The following DPP6 variants were observed in gnomAD, a reference collection of about 807,000 sequenced individuals.
DPP6 encodes the protein dipeptidyl peptidase like 6.
Under a neutral mutation model 122.6 loss-of-function variants are expected in DPP6, and 69 were observed. The observed-to-expected ratio is 0.56, with a 90% CI of 0.46 to 0.69. The LOEUF is 0.69. Ranked by LOEUF, DPP6 falls within the 30% of genes least tolerant of loss-of-function variation. The pLI, the probability that DPP6 is intolerant of heterozygous loss-of-function variation, is 0.00. For synonymous variants in DPP6, 418 were observed against 433.1 expected, an observed-to-expected ratio of 0.97 and a Z score of 0.43; for missense variants, 928 against 1,116.9, an observed-to-expected ratio of 0.83 and a Z score of 2.41.
chr7:154,398,001 T>TA (rs1815237430), intron 1 of DPP6, among the ~76,000 whole-genome samples: 1 of 152,216 alleles, frequency 6.6e-6, no homozygotes, highest in South Asian at 2.1e-4. Flanking sequence ...AATACATTTC[T>TA]AGATTTTTAC....
At chr7:153,955,577 T>C (rs1802420663) in intron 1 of DPP6, among the ~76,000 whole-genome samples, 1 of 152,116 alleles carries the variant, frequency 6.6e-6, no homozygotes, top group African/African-American at 2.4e-5. Flanking sequence ...TAGCTGGGAT[T>C]ACAGGCACCC....
intron 1 of DPP6, chr7:154,305,584 G>T (rs1421638623): frequency 6.4e-7 from 1 of 1,574,512 alleles, no homozygotes. Context: ...GTGTGTGTGT[G>T]TGTGCGTGCG....
At chr7:154,441,460 C>A (rs1819365915) in intron 1 of DPP6, among the ~76,000 whole-genome samples, 2 of 152,130 alleles carry the variant, frequency 1.3e-5, no homozygotes, top group South Asian at 4.1e-4. Flanking sequence ...CAATCAGTTC[C>A]TTTTGTGTCC....
intron 7 of DPP6, among the ~76,000 whole-genome samples, chr7:154,690,512 CTG>C (rs1839872804): frequency 6.6e-6 from 1 of 152,138 alleles, no homozygotes; most frequent in South Asian, 2.1e-4. Context: ...GCCCATGAGA[CTG>C]TAGGACTTCA....
chr7:154,840,436 C>T (rs1277148283), intron 16 of DPP6, among the ~76,000 whole-genome samples: 1 of 152,192 alleles, frequency 6.6e-6, no homozygotes. Context: ...GTGACCTGTC[C>T]CGTGTCCAGG....
At chr7:154,332,974 C>T (rs1047621139) in intron 1 of DPP6, among the ~76,000 whole-genome samples, 12 of 152,104 alleles carry the variant, frequency 7.9e-5, no homozygotes, top group South Asian at 4.1e-4. Context: ...GCGGGAGGCT[C>T]GCGATGGGTC....
intron 1 of DPP6, among the ~76,000 whole-genome samples, chr7:153,950,054 G>T (rs951539360): frequency 6.7e-6 from 1 of 150,064 alleles, no homozygotes; most frequent in African/African-American, 2.5e-5. Flanking sequence ...CCTGTGGGGA[G>T]ACAGACAGGG....
At chr7:153,938,194 G>A (rs1439846563) in intron 1 of DPP6, among the ~76,000 whole-genome samples, 3 of 152,162 alleles carry the variant, frequency 2.0e-5, no homozygotes, top group African/African-American at 7.2e-5. Context: ...CCTGGAATCT[G>A]ATCTATTACC....
intron 1 of DPP6, among the ~76,000 whole-genome samples, chr7:153,997,210 A>G (rs1797482117): frequency 6.6e-6 from 1 of 152,088 alleles, no homozygotes; most frequent in South Asian, 2.1e-4. Flanking sequence ...CCACCATGAA[A>G]TGCAGTGGCT....
intron 2 of DPP6, among the ~76,000 whole-genome samples, chr7:154,471,721 A>C (rs1822293338): frequency 6.6e-6 from 1 of 152,178 alleles, no homozygotes; most frequent in South Asian, 2.1e-4. Context: ...CATAAAGCAG[A>C]AACCAACCCA....
chr7:154,016,976 G>T (rs1798445951), intron 1 of DPP6, among the ~76,000 whole-genome samples: 1 of 152,184 alleles, frequency 6.6e-6, no homozygotes, highest in Non-Finnish European at 1.5e-5. Flanking sequence ...GAGGAGAAAA[G>T]GAATCATCAA....
intron 1 of DPP6, among the ~76,000 whole-genome samples, chr7:154,161,027 C>G (rs1242963450): frequency 6.6e-6 from 1 of 152,174 alleles, no homozygotes; most frequent in Non-Finnish European, 1.5e-5. Flanking sequence ...CAGGGGCAGT[C>G]AGGAGGCTCC....
At chr7:154,542,649 A>G (rs1381930786) in intron 4 of DPP6, among the ~76,000 whole-genome samples, 1 of 152,214 alleles carries the variant, frequency 6.6e-6, no homozygotes, top group Non-Finnish European at 1.5e-5. Flanking sequence ...ATTCTATATA[A>G]TGCAATCTTT....
At chr7:153,946,059 A>G (rs1801934132) in intron 1 of DPP6, among the ~76,000 whole-genome samples, 1 of 152,208 alleles carries the variant, frequency 6.6e-6, no homozygotes, top group Admixed American at 6.5e-5. Flanking sequence ...AGGCACAGAC[A>G]CAAGAAACAT....
chr7:153,818,676 C>T, the DPP6 span, among the ~76,000 whole-genome samples: 1 of 151,606 alleles, frequency 6.6e-6, no homozygotes, highest in Non-Finnish European at 1.5e-5. Flanking sequence ...GCATAATAAA[C>T]ACTGAGTTTA....
chr7:154,228,702 G>T (rs746409268), intron 1 of DPP6, among the ~76,000 whole-genome samples: 2 of 152,036 alleles, frequency 1.3e-5, no homozygotes, highest in Admixed American at 6.6e-5. Context: ...TAAAGTTCAT[G>T]GAAAAGTGGA....
At chr7:154,812,866 C>T (rs1799158108) in intron 16 of DPP6, among the ~76,000 whole-genome samples, 1 of 152,246 alleles carries the variant, frequency 6.6e-6, no homozygotes, top group Non-Finnish European at 1.5e-5. Flanking sequence ...TTATAGAGTT[C>T]CATCTAGCAG....
chr7:154,491,761 C>T (rs1404213271), intron 3 of DPP6, among the ~76,000 whole-genome samples: 3 of 152,184 alleles, frequency 2.0e-5, no homozygotes, highest in Admixed American at 1.3e-4. Flanking sequence ...TGACTGTGAT[C>T]ATGCCCCCAG....
chr7:153,992,973 TCTCTCCCCCTACCTC>T (rs1365545606), intron 1 of DPP6, among the ~76,000 whole-genome samples: 1 of 152,006 alleles, frequency 6.6e-6, no homozygotes, highest in Non-Finnish European at 1.5e-5. Context: ...AAGTCATAGC[TCTCTCCCCCTACCTC>T]CTCCTTCCCC....
Sources: allele counts gnomAD v4.1 joint callset (sites outside exome capture counted in the v4.1 genomes callset), GRCh38; gene constraint gnomAD v4.1.1; transcripts MANE v1.5; gene names NCBI Gene and HGNC (gene_info 2026-07-23, HGNC 2026-07-21).